The following TOP2B variants were observed in gnomAD, a reference collection of about 807,000 sequenced individuals.
The protein encoded by TOP2B is DNA topoisomerase 2-beta.
A neutral mutation model predicts 193.5 loss-of-function variants in TOP2B; 51 were observed. That is an observed-to-expected ratio of 0.26 (90% CI 0.21 to 0.33). The LOEUF (loss-of-function observed/expected upper bound fraction) is 0.33, where lower values mean the gene tolerates loss of function less well. Ranked by LOEUF, TOP2B falls within the 10% of genes least tolerant of loss-of-function variation. The probability of loss-of-function intolerance (pLI) is 1.00; values close to 1 mark genes in which losing one functional copy is unlikely to be tolerated. For missense variants in TOP2B, 1,378 were observed against 1,909.3 expected, an observed-to-expected ratio of 0.72 and a Z score of 5.19; for synonymous variants, 634 against 635.7, an observed-to-expected ratio of 1.00 and a Z score of 0.04.
chr3:25,606,005 A>G (rs945613113), intron 32 of TOP2B, 38 bp downstream of exon 32: 16 of 1,217,140 alleles, frequency 1.3e-5, no homozygotes, highest in East Asian at 2.8e-5. Context: ...ACTAAAAGCA[A>G]TAATACAATA....
chr3:25,664,168 T>C, intron 1 of TOP2B, 61 bp downstream of exon 1: 1 of 1,348,466 alleles, frequency 7.4e-7, no homozygotes, highest in Non-Finnish European at 1.0e-6. Flanking sequence ...CCGTTCGGAA[T>C]TCCGCCCCCG....
chr3:25,620,848 C>A (rs1299873137), intron 21 of TOP2B, 32 bp from the exon 22 acceptor site: 1 of 1,606,432 alleles, frequency 6.2e-7, no homozygotes, highest in Non-Finnish European at 8.5e-7. Context: ...GCATTGACTT[C>A]TCTCTTGAGT....
chr3:25,618,392 G>A, intron 25 of TOP2B, 26 bp downstream of exon 25: 1 of 1,562,608 alleles, frequency 6.4e-7, no homozygotes, highest in Non-Finnish European at 8.8e-7. Flanking sequence ...AAGCTTCTCT[G>A]AATGTCTTTT....
chr3:25,623,392 T>C, intron 21 of TOP2B, 123 bp downstream of exon 21: 1 of 842,690 alleles, frequency 1.2e-6, no homozygotes, highest in Non-Finnish European at 1.9e-6. Context: ...ATACCCTAAT[T>C]AGGTCTTTAC....
At chr3:25,614,206 C>T (rs897879722) in intron 27 of TOP2B, among the ~76,000 whole-genome samples, 74 of 152,098 alleles carry the variant, frequency 4.9e-4, no homozygotes, top group African/African-American at 1.6e-3. Context: ...TTTTGAATGA[C>T]GACTTTTCAA....
At chr3:25,631,018 G>A (rs1575575784) in intron 10 of TOP2B, 79 bp from the exon 11 acceptor site, 2 of 1,265,836 alleles carry the variant, frequency 1.6e-6, no homozygotes, top group Non-Finnish European at 2.1e-6. Context: ...CCTAATGCAA[G>A]ACCTGGAATC....
intron 20 of TOP2B, among the ~76,000 whole-genome samples, chr3:25,623,982 T>C (rs1332250117): frequency 1.3e-5 from 2 of 152,218 alleles, no homozygotes; most frequent in Non-Finnish European, 2.9e-5. Flanking sequence ...TGTACTTACC[T>C]ACCTGATTTA....
rs375572038 is a variant in TOP2B, at chr3:25,620,632, T to C, written c.2862+50A>G. On this transcript the variant is annotated intron_variant, in intron 22 of 35. Transcript: ENST00000264331. ...GTGGAATCATCCTTACCAGAAAAAA[T>C]TGCTTAATACACTGCCCTTCCCTCA... The C allele has an allele frequency of 1.5e-5, 23 of 1,554,942 alleles. No individual in the cohort carries two copies. In the Middle Eastern group the frequency reaches 5.2e-4, roughly 35 times the overall value.
chr3:25,601,208 T>A lies in TOP2B; in HGVS notation c.4507A>T (p.Thr1503Ser), dbSNP rs572010388. ...GGGGCTCTCTTGGGCTTAGGGACTG[T>A]ATCTGAAGACGGTTTTCCTAGTAAG... Reference protein sequence around the residue: ...AAKKGKPSSDTVPKPKRAPKQ... With the variant: ...AAKKGKPSSDSVPKPKRAPKQ... Residue 1503 changes from threonine to serine, a missense_variant, in exon 34 of 36, where the codon ACA becomes TCA. Around this residue, in one of 9 missense-constraint regions of TOP2B, gnomAD observed 556 missense variants for 584.2 expected, o/e 0.95. Transcript: ENST00000264331. 4 of 1,613,408 alleles carry A rather than the reference T, an allele frequency of 2.5e-6. No homozygotes were observed. The South Asian group carries it at 4.4e-5, about 18-fold the overall frequency.
At chr3:25,656,348 C>G (rs1703745721) in intron 1 of TOP2B, among the ~76,000 whole-genome samples, 1 of 152,114 alleles carries the variant, frequency 6.6e-6, no homozygotes, top group South Asian at 2.1e-4. Context: ...CCTGTCGTCC[C>G]AGCTACTCTG....
rs932624509 is a variant in TOP2B, at chr3:25,633,962, T to G, written c.905A>C (p.Glu302Ala). The G allele has an allele frequency of 3.7e-6, 6 of 1,612,804 alleles. No individual in the cohort carries two copies. Among genetic ancestry groups the G allele is most frequent in the Admixed American group, 1.7e-5 (1 of 59,884 alleles). ...AATAACTTTCAGGGCCACCCCAGTT[T>G]CATCCAATTTGTCTTTCACATAAAG... ...VDLYVKDKLDETGVALKVIHE... is the reference protein window; with the variant it reads ...VDLYVKDKLDATGVALKVIHE... The change falls in exon 8 of 36, where the codon GAA becomes GCA. Residue 302 changes from glutamate to alanine, a missense_variant. Glu to Ala is a moderately radical substitution (Grantham distance 107, BLOSUM62 -1). Around this residue, in one of 9 missense-constraint regions of TOP2B, gnomAD observed 222 missense variants for 306.6 expected, o/e 0.72. Transcript: ENST00000264331.
chr3:25,604,762 T>G lies in TOP2B; in HGVS notation c.4487A>C (p.Lys1496Thr), dbSNP rs780325291. The change falls in exon 33 of 36, where the codon AAG (lysine) becomes ACG (threonine). Residue 1496 changes from lysine to threonine, a missense_variant and splice_region_variant. Lys to Thr is a moderately conservative substitution (Grantham distance 78). Coordinates refer to ENST00000264331, the MANE Select transcript of TOP2B (RefSeq NM_001330700.2). ...CTCAATCAAATATAAGTACATACCC[T>G]TTTTAGCAGCTACCGTTTTACTTGG... ...KVPSKTVAAK[K>T]GKPSSDTVPK... The G allele has an allele frequency of 6.2e-7, 1 of 1,608,326 alleles. No individual in the cohort carries two copies. Among genetic ancestry groups the G allele is most frequent in the Non-Finnish European group, 8.5e-7 (1 of 1,175,404 alleles).
In TOP2B at chr3:25,637,241, T is replaced by C; in HGVS notation, c.613A>G (p.Lys205Glu). 1 of 1,558,258 alleles carries C rather than the reference T, an allele frequency of 6.4e-7. No homozygotes were observed. The highest frequency in any genetic ancestry group is 8.7e-7 in the Non-Finnish European group (1 of 1,149,634). The change falls in exon 6 of 36, where the codon AAA becomes GAA. Residue 205 changes from lysine (K) to glutamate (E), a missense_variant. Physicochemically the swap from Lys to Glu is moderately conservative, Grantham distance 56. This residue lies in a region of TOP2B where 222 missense variants were observed against 306.6 expected (regional missense o/e 0.72). Transcript: ENST00000264331. ...STKFTVETAC[K>E]EYKHSFKQTW... Reference sequence around the variant, plus strand: ...TGCTTAAAACTGTGTTTGTATTCTTTGCAAGCTGTTTCTACTGTAAACTTT... The same window carrying C: ...TGCTTAAAACTGTGTTTGTATTCTTCGCAAGCTGTTTCTACTGTAAACTTT...
chr3:25,641,414 CA>C (rs1295884935), intron 4 of TOP2B, among the ~76,000 whole-genome samples: 1 of 151,812 alleles, frequency 6.6e-6, no homozygotes, highest in Non-Finnish European at 1.5e-5. Context: ...TCTTAACAGC[CA>C]AAATGTCCTT....
intron 13 of TOP2B, among the ~76,000 whole-genome samples, chr3:25,629,620 T>G (rs1046903854): frequency 6.6e-6 from 1 of 152,208 alleles, no homozygotes; most frequent in Non-Finnish European, 1.5e-5. Context: ...AACAGTTGAA[T>G]GCATCTGAAA....
At chr3:25,649,849 C>A (rs1703530743) in intron 1 of TOP2B, among the ~76,000 whole-genome samples, 1 of 151,970 alleles carries the variant, frequency 6.6e-6, no homozygotes, top group South Asian at 2.1e-4. Flanking sequence ...CCAAAAAGTT[C>A]TTGGAAAAAT....
Position 25,664,253 on chromosome 3 carries a change from G to A in TOP2B, c.45C>T (p.Gly15=), listed in dbSNP as rs1424191023. 9.8e-6 allele frequency: 15 copies of A among 1,537,194 alleles called. No homozygotes were observed. Among genetic ancestry groups the A allele is most frequent in the Non-Finnish European group, 1.3e-5 (15 of 1,145,662 alleles). The part of the protein sequence containing the change: ...GGCGAGAGVG[G]GNGALTWVTL... ...CCACCCAGGTCAGTGCCCCGTTGCC[G>A]CCGCCCACGCCGGCTCCCGCGCCGC... is the stretch of plus-strand genomic sequence containing the variant. The change falls in exon 1 of 36, where the codon GGC becomes GGT. Residue 15 remains glycine (G), a synonymous_variant. Transcript: ENST00000264331.
chr3:25,600,747 T>C (rs917559573), intron 34 of TOP2B, among the ~76,000 whole-genome samples: 9 of 152,246 alleles, frequency 5.9e-5, no homozygotes, highest in Admixed American at 1.3e-4. Flanking sequence ...CTAAGAGTCC[T>C]GGATCTAGCC....
chr3:25,640,752 C>CTTTTTT (rs372465937), intron 4 of TOP2B, among the ~76,000 whole-genome samples: 63 of 106,942 alleles, frequency 5.9e-4, no homozygotes, highest in Non-Finnish European at 8.1e-4. Flanking sequence ...TCTTCGTTGT[C>CTTTTTT]TTTTTTTTTT....
Sources: gnomAD v4.1 joint callset for allele counts (sites outside exome capture counted in the v4.1 genomes callset) on GRCh38, gnomAD v4.1.1 for gene constraint, gnomAD v4.1.1 regional missense constraint, MANE v1.5 for transcripts, NCBI Gene and HGNC (gene_info 2026-07-23, HGNC 2026-07-21) for gene names.